FAM120A: variants seen among roughly 807,000 people sequenced by gnomAD.
FAM120A encodes the protein family with sequence similarity 120 member A.
A neutral mutation model predicts 109.7 loss-of-function variants in FAM120A; 15 were observed. That is an observed-to-expected ratio of 0.14 (90% CI 0.09 to 0.21). The LOEUF (loss-of-function observed/expected upper bound fraction) is 0.21. Ranked by LOEUF, FAM120A falls within the 10% of genes least tolerant of loss-of-function variation. The pLI is 1.00. For synonymous variants in FAM120A, 493 were observed against 572.8 expected (o/e 0.86, Z 1.99); for missense variants, 899 against 1,439.3 (o/e 0.62, Z 6.07).
At chr9:93,518,498 C>T (rs1860702680) in intron 7 of FAM120A, among the ~76,000 whole-genome samples, 1 of 152,070 alleles carries the variant, frequency 6.6e-6, no homozygotes, top group African/African-American at 2.4e-5. Flanking sequence ...TCAGGATGGC[C>T]CTAAGGGAAC....
rs576989909 is a variant in FAM120A at position 93,540,851 on chromosome 9, A to AT, written c.1910-2362dup. ...TGAGAAGGAAAATCTTCTACCAATA[A>AT]TTTTTTTTTATAGAATGAAAACAAA... On this transcript the variant is annotated intron_variant, in intron 10 of 17. Transcript: ENST00000277165. Among the ~76,000 whole-genome samples the AT allele has an allele frequency of 9.2e-5, 14 of 151,936 alleles. No homozygotes were observed. In the East Asian group the frequency reaches 1.4e-3, roughly 15 times the overall value.
intron 1 of FAM120A, among the ~76,000 whole-genome samples, chr9:93,462,827 A>G (rs931465709): frequency 3.9e-5 from 6 of 152,230 alleles, no homozygotes; most frequent in African/African-American, 1.4e-4. Context: ...ATTTAACACA[A>G]TGTCTTCAAG....
At chr9:93,513,696 TG>T (rs1249172941) in intron 5 of FAM120A, among the ~76,000 whole-genome samples, 3 of 152,172 alleles carry the variant, frequency 2.0e-5, no homozygotes, top group Non-Finnish European at 2.9e-5. Flanking sequence ...AATTGTAGTC[TG>T]TAAGATTCCT....
At chr9:93,525,135 AATTTTAG>A (rs1488209324) in intron 7 of FAM120A, among the ~76,000 whole-genome samples, 1 of 152,164 alleles carries the variant, frequency 6.6e-6, no homozygotes, top group Non-Finnish European at 1.5e-5. Context: ...TTTCAGGCAG[AATTTTAG>A]ATTTTACAGT....
intron 7 of FAM120A, 52 bp from the exon 8 acceptor site, chr9:93,527,103 C>T (rs1861116559): frequency 1.3e-6 from 2 of 1,486,026 alleles, no homozygotes; most frequent in Admixed American, 1.7e-5. Flanking sequence ...TTATCATTGT[C>T]AGCTGGTTTG....
At chr9:93,541,510 C>T (rs909469704) in intron 10 of FAM120A, among the ~76,000 whole-genome samples, 1 of 152,056 alleles carries the variant, frequency 6.6e-6, no homozygotes, top group Non-Finnish European at 1.5e-5. Context: ...TATATCTATA[C>T]CTAAAAGTAT....
rs774263964 is a variant in FAM120A, at chr9:93,565,694, T to TA, written c.*1167dup. 0.082 allele frequency: 11,463 copies of TA among 140,560 alleles called. 515 individuals are homozygous for TA. The highest frequency in any genetic ancestry group is 0.12 in the East Asian group (590 of 4,804). The allele number at this position is 140,560 out of a possible 1,614,324, so 8.7% of individuals were successfully genotyped here. On this transcript the variant is annotated 3_prime_UTR_variant, in exon 18 of 18. Transcript: ENST00000277165. Reference sequence around the variant, plus strand: ...TCTGTGAAAAAAAACCCTTTGATCTTAAAAAAAAAAAAACCACCCCCCCCT... The same window carrying TA: ...TCTGTGAAAAAAAACCCTTTGATCTTAAAAAAAAAAAAAACCACCCCCCCCT...
chr9:93,453,516 AG>A, intron 1 of FAM120A: 1 of 985,406 alleles, frequency 1.0e-6, no homozygotes, highest in Non-Finnish European at 1.2e-6. Context: ...TGGAGCTGAA[AG>A]TTTGTGAAAT....
intron 11 of FAM120A, among the ~76,000 whole-genome samples, chr9:93,544,265 AG>A (rs1372440175): frequency 6.6e-6 from 1 of 152,192 alleles, no homozygotes; most frequent in Non-Finnish European, 1.5e-5. Context: ...TTGCCCTACA[AG>A]ATGCTTCAGG....
At chr9:93,541,055 G>A (rs1861679604) in intron 10 of FAM120A, among the ~76,000 whole-genome samples, 1 of 141,092 alleles carries the variant, frequency 7.1e-6, no homozygotes, top group African/African-American at 2.7e-5. Context: ...GTTTCAGTGT[G>A]TGTATTGTGG....
rs148814907 is a variant in FAM120A, at chr9:93,558,375, T to G, written c.2669-206T>G. Among the ~76,000 whole-genome samples the G allele has an allele frequency of 1.9e-3, 284 of 152,282 alleles. 2 individuals carry two copies. The highest frequency in any genetic ancestry group is 6.5e-3 in the African/African-American group (269 of 41,570). On this transcript the variant is annotated intron_variant, in intron 14 of 17. Transcript: ENST00000277165. Reference sequence around the variant, plus strand: ...CTTCCTGAGCCCCATGCTAGTGCCCTGTTGAATGACCCACTGCAGGGAGGG... The same window carrying G: ...CTTCCTGAGCCCCATGCTAGTGCCCGGTTGAATGACCCACTGCAGGGAGGG...
At chr9:93,521,633 A>G (rs1860849247) in intron 7 of FAM120A, among the ~76,000 whole-genome samples, 1 of 152,036 alleles carries the variant, frequency 6.6e-6, no homozygotes, top group African/African-American at 2.4e-5. Flanking sequence ...GTGGCTTTCT[A>G]AGTAATGTCT....
chr9:93,552,849 A>G (rs1395081359), intron 12 of FAM120A, among the ~76,000 whole-genome samples: 1 of 152,138 alleles, frequency 6.6e-6, no homozygotes, highest in Non-Finnish European at 1.5e-5. Context: ...CCTGCTACCC[A>G]GTTTGTGGAT....
intron 7 of FAM120A, among the ~76,000 whole-genome samples, chr9:93,518,189 T>G (rs1453030413): frequency 6.6e-6 from 1 of 152,182 alleles, no homozygotes; most frequent in African/African-American, 2.4e-5. Context: ...AGGGTGCTTG[T>G]TCCTGAAGGC....
Position 93,564,742 on chromosome 9 carries a change from A to T in FAM120A, c.*202A>T. The T allele has an allele frequency of 2.1e-6, 1 of 473,014 alleles. No individual in the cohort carries two copies. The allele number at this position is 473,014 out of a possible 1,614,324, so 29.3% of individuals were successfully genotyped here. A position where few individuals can be genotyped will look rare whatever the true frequency, so the allele number is the denominator to read the frequency against. On this transcript the variant is annotated 3_prime_UTR_variant, in exon 18 of 18. Coordinates refer to ENST00000277165, the MANE Select transcript of FAM120A (RefSeq NM_014612.5). Reference sequence around the variant, plus strand: ...AACCAGTTGTAGTCAAAATGCTACAATAAAACAAAAAAGAGAAAGAAAATG... The same window carrying T: ...AACCAGTTGTAGTCAAAATGCTACATTAAAACAAAAAAGAGAAAGAAAATG...
At chr9:93,456,182 G>A (rs1857540947) in intron 1 of FAM120A, among the ~76,000 whole-genome samples, 1 of 152,150 alleles carries the variant, frequency 6.6e-6, no homozygotes, top group African/African-American at 2.4e-5. Context: ...TAGTTACTTG[G>A]ACAGTGTTTC....
intron 10 of FAM120A, among the ~76,000 whole-genome samples, chr9:93,535,054 C>T (rs997388562): frequency 6.6e-6 from 1 of 152,162 alleles, no homozygotes; most frequent in African/African-American, 2.4e-5. Context: ...ATTTCATAAA[C>T]ATTTATGTCT....
intron 3 of FAM120A, among the ~76,000 whole-genome samples, chr9:93,493,351 A>G (rs1859416957): frequency 3.3e-5 from 5 of 152,218 alleles, no homozygotes; most frequent in Admixed American, 3.3e-4. Flanking sequence ...TCCCATCCAT[A>G]TCAAACACAA....
chr9:93,455,098 C>T (rs1160731464), intron 1 of FAM120A, among the ~76,000 whole-genome samples: 1 of 152,224 alleles, frequency 6.6e-6, no homozygotes, highest in African/African-American at 2.4e-5. Context: ...ATGTCCATAG[C>T]AGCTTAATTC....
Sources: gnomAD v4.1 joint callset for allele counts (sites outside exome capture counted in the v4.1 genomes callset) on GRCh38, gnomAD v4.1.1 for gene constraint, MANE v1.5 for transcripts, NCBI Gene and HGNC (gene_info 2026-07-23, HGNC 2026-07-21) for gene names.